The following SIAH2 variants were observed in gnomAD, a reference collection of about 807,000 sequenced individuals.
SIAH2 encodes the protein siah E3 ubiquitin protein ligase 2.
Under a neutral mutation model 20.4 loss-of-function variants are expected in SIAH2, and 4 were observed. That is an observed-to-expected ratio of 0.20 (90% CI 0.10 to 0.45). The LOEUF (loss-of-function observed/expected upper bound fraction) is 0.45. Among genes scored for constraint, SIAH2 ranks in the 20% least tolerant of loss-of-function variants. The probability of loss-of-function intolerance (pLI) is 0.99; values close to 1 mark genes in which losing one functional copy is unlikely to be tolerated. For synonymous variants in SIAH2, 171 were observed against 192.5 expected, an observed-to-expected ratio of 0.89 and a Z score of 0.93; for missense variants, 259 against 440.3, an observed-to-expected ratio of 0.59 and a Z score of 3.69.
intron 1 of SIAH2, among the ~76,000 whole-genome samples, chr3:150,749,536 G>T (rs1714311096): frequency 1.3e-5 from 2 of 152,104 alleles, no homozygotes; most frequent in Admixed American, 1.3e-4. Flanking sequence ...ACATACTAAA[G>T]AATCCAGGGA....
intron 1 of SIAH2, among the ~76,000 whole-genome samples, chr3:150,746,653 A>G (rs1714220429): frequency 6.6e-6 from 1 of 152,218 alleles, no homozygotes; most frequent in African/African-American, 2.4e-5. Flanking sequence ...CTCTCCAGGC[A>G]TGGCCAAATG....
rs1714122992 is a variant in SIAH2 at position 150,742,781 on chromosome 3, C to A, written c.418-83G>T. 1 of 1,171,432 alleles carries A rather than the reference C, an allele frequency of 8.5e-7. No individual in the cohort carries two copies. Among genetic ancestry groups the A allele is most frequent in the Non-Finnish European group, 1.2e-6 (1 of 849,108 alleles). 72.6% of individuals were successfully genotyped at this position (1,171,432 alleles called of 1,614,324 possible). ...ACCCTCTATGAGTACTTAACTACTCCATTTTCCTGGGCTTAAACTGTGTTC... is the reference window on the plus strand; with the variant it reads ...ACCCTCTATGAGTACTTAACTACTCAATTTTCCTGGGCTTAAACTGTGTTC... On this transcript the variant is annotated intron_variant, in intron 1 of 1. Coordinates refer to ENST00000312960, the MANE Select transcript of SIAH2 (RefSeq NM_005067.7). The surrounding 1 kb of genome is among the most constrained non-coding windows in gnomAD (Gnocchi z 4.8).
chr3:150,754,703 A>G (rs923853858), intron 1 of SIAH2, among the ~76,000 whole-genome samples: 2 of 152,234 alleles, frequency 1.3e-5, no homozygotes, highest in African/African-American at 4.8e-5. Flanking sequence ...TATTTTCTAT[A>G]TGTTCTACAT....
intron 1 of SIAH2, among the ~76,000 whole-genome samples, chr3:150,744,884 C>T (rs932235081): frequency 6.6e-5 from 10 of 152,160 alleles, no homozygotes; most frequent in Admixed American, 6.5e-4. Flanking sequence ...ACTTTCCCCA[C>T]TCAAGTAGGA....
intron 1 of SIAH2, among the ~76,000 whole-genome samples, chr3:150,753,963 A>G (rs1044635591): frequency 6.6e-6 from 1 of 152,194 alleles, no homozygotes; most frequent in Non-Finnish European, 1.5e-5. Flanking sequence ...AATTTAAATG[A>G]CCACAAATAG....
chr3:150,762,666 C>A lies in SIAH2; in HGVS notation c.184G>T (p.Gly62Cys). The A allele has an allele frequency of 6.9e-7, 1 of 1,454,674 alleles. No individual in the cohort carries two copies. Among genetic ancestry groups the A allele is most frequent in the Non-Finnish European group, 9.1e-7 (1 of 1,102,168 alleles). The allele number at this position is 1,454,674 out of a possible 1,614,324, so 90.1% of individuals were successfully genotyped here. The change falls in exon 1 of 2, where the codon GGC becomes TGC. Residue 62 changes from glycine to cysteine, a missense_variant. Coordinates refer to ENST00000312960, the MANE Select transcript of SIAH2 (RefSeq NM_005067.7). The surrounding 1 kb of genome is among the most constrained non-coding windows in gnomAD (Gnocchi z 6.6). ...TGCGGGGACACCGGGCCGGCCCCGC[C>A]GCCGCCGCCGGGGCCCGAGATCACC... ...AAVISGPGGG[G>C]GAGPVSPQHH...
chr3:150,750,808 TA>T (rs1402029693), intron 1 of SIAH2, among the ~76,000 whole-genome samples: 4 of 152,166 alleles, frequency 2.6e-5, no homozygotes, highest in Non-Finnish European at 5.9e-5. Context: ...TCCTCTTGCT[TA>T]AAATATGTTT....
chr3:150,747,434 A>G (rs1242034716), intron 1 of SIAH2, among the ~76,000 whole-genome samples: 1 of 152,196 alleles, frequency 6.6e-6, no homozygotes, highest in Non-Finnish European at 1.5e-5. Flanking sequence ...TTTCCTTTAG[A>G]TGTCTGGTTC....
At chr3:150,749,701 T>C (rs576850950) in intron 1 of SIAH2, among the ~76,000 whole-genome samples, 1 of 152,354 alleles carries the variant, frequency 6.6e-6, no homozygotes, top group African/African-American at 2.4e-5. Context: ...GTAGTTTTTC[T>C]TTTACTAGAG....
intron 1 of SIAH2, among the ~76,000 whole-genome samples, chr3:150,755,323 T>C (rs13064329): frequency 2.5e-4 from 7 of 27,830 alleles, no homozygotes; most frequent in South Asian, 2.9e-3. Flanking sequence ...TTTTCTTCCC[T>C]TTTTTTTTTT....
chr3:150,744,146 G>A (rs7615292), intron 1 of SIAH2, among the ~76,000 whole-genome samples: 19,401 of 151,958 alleles, frequency 0.13, 2,542 homozygotes, highest in East Asian at 0.33. Flanking sequence ...ACAAGCAGAT[G>A]GTATGCACTA....
chr3:150,760,360 A>C (rs1714578508), intron 1 of SIAH2, among the ~76,000 whole-genome samples: 1 of 152,226 alleles, frequency 6.6e-6, no homozygotes, highest in Non-Finnish European at 1.5e-5. Flanking sequence ...CAGCTTGCAA[A>C]GTAATAGCTT....
In SIAH2 at chr3:150,755,271, T is replaced by A. The variant is rs149996824; in HGVS notation, c.417+7162A>T. On this transcript the variant is annotated intron_variant, in intron 1 of 1. Transcript: ENST00000312960. ...TTGCTGATTCAAAATTTTAAAGCAG[T>A]GCATAGGCCGGCGCATTAGCAAAAG... 3.5e-3 allele frequency among the ~76,000 whole-genome samples: 530 copies of A among 151,304 alleles called. 3 individuals are homozygous for A. The highest frequency in any genetic ancestry group is 0.012 in the African/African-American group (498 of 41,264).
At chr3:150,760,779 T>C (rs1714591737) in intron 1 of SIAH2, among the ~76,000 whole-genome samples, 1 of 152,208 alleles carries the variant, frequency 6.6e-6, no homozygotes, top group Non-Finnish European at 1.5e-5. Context: ...CCCCCACCCC[T>C]GCAATATATC....
At chr3:150,745,182 TG>T (rs1220541525) in intron 1 of SIAH2, among the ~76,000 whole-genome samples, 1 of 152,008 alleles carries the variant, frequency 6.6e-6, no homozygotes, top group Non-Finnish European at 1.5e-5. Flanking sequence ...GTAAGGTTCA[TG>T]TCTTCATAAC....
chr3:150,762,236 A>C lies in SIAH2; in HGVS notation c.417+197T>G. The C allele has an allele frequency of 8.9e-7, 1 of 1,125,170 alleles. No homozygotes were observed. Among genetic ancestry groups the C allele is most frequent in the East Asian group, 2.7e-5 (1 of 37,686 alleles). 69.7% of individuals were successfully genotyped at this position (1,125,170 alleles called of 1,614,324 possible). Reference sequence around the variant, plus strand: ...ATTAATCTGTTAATTGTCTATTAACAATTATTACTCGGTAAATGTCAACCC... The same window carrying C: ...ATTAATCTGTTAATTGTCTATTAACCATTATTACTCGGTAAATGTCAACCC... On this transcript the variant is annotated intron_variant, in intron 1 of 1. Transcript: ENST00000312960. This position sits in a 1 kb window ranked among gnomAD's most constrained non-coding sequence, Gnocchi z 6.6.
chr3:150,752,269 C>A (rs377002786), intron 1 of SIAH2, among the ~76,000 whole-genome samples: 1 of 152,290 alleles, frequency 6.6e-6, no homozygotes, highest in South Asian at 2.1e-4. Context: ...TATTTCTCAA[C>A]GAAAGCAACT....
At chr3:150,749,402 G>C (rs1330638719) in intron 1 of SIAH2, among the ~76,000 whole-genome samples, 1 of 151,994 alleles carries the variant, frequency 6.6e-6, no homozygotes, top group East Asian at 1.9e-4. Flanking sequence ...CTACTAGGAG[G>C]GCAAAGGTGA....
intron 1 of SIAH2, among the ~76,000 whole-genome samples, chr3:150,747,143 C>A (rs1165909932): frequency 6.6e-6 from 1 of 152,228 alleles, no homozygotes; most frequent in Non-Finnish European, 1.5e-5. Flanking sequence ...TGGCCACCAA[C>A]CCAACACACA....
Sources: allele counts gnomAD v4.1 joint callset (sites outside exome capture counted in the v4.1 genomes callset), GRCh38; gene constraint gnomAD v4.1.1; non-coding constraint Gnocchi (gnomAD v3.1); transcripts MANE v1.5; gene names NCBI Gene and HGNC (gene_info 2026-07-23, HGNC 2026-07-21).